CD200R1: variants seen among roughly 807,000 people sequenced by gnomAD.
The protein encoded by CD200R1 is cell surface glycoprotein CD200 receptor 1.
In CD200R1, 30 loss-of-function variants were observed where a neutral mutation model predicts 38.1. That is an observed-to-expected ratio of 0.79 (90% confidence interval 0.59 to 1.07). The LOEUF is 1.07. CD200R1 is among the 50% of genes least tolerant of loss of function. The pLI is 0.00. For synonymous variants in CD200R1, 128 were observed against 152.1 expected (o/e 0.84, Z 1.16); for missense variants, 372 against 415.4 (o/e 0.90, Z 0.91).
chr3:112,973,178 T>G (rs1559704791), intron 1 of CD200R1, among the ~76,000 whole-genome samples: 1 of 152,200 alleles, frequency 6.6e-6, no homozygotes, highest in Non-Finnish European at 1.5e-5. Flanking sequence ...CAATTTGACA[T>G]AAACAGCTCC....
chr3:112,936,246 T>G (rs374512571), intron 2 of CD200R1, among the ~76,000 whole-genome samples: 1 of 152,230 alleles, frequency 6.6e-6, no homozygotes, highest in African/African-American at 2.4e-5. Flanking sequence ...CTATTGTGAA[T>G]AGTGCTGCAA....
intron 2 of CD200R1, among the ~76,000 whole-genome samples, chr3:112,945,494 T>C (rs986426840): frequency 2.0e-5 from 3 of 152,166 alleles, no homozygotes; most frequent in African/African-American, 7.2e-5. Flanking sequence ...CGACTGGACA[T>C]CCAGATGCAA....
At chr3:112,923,965 A>C (rs1034762282) in intron 7 of CD200R1, among the ~76,000 whole-genome samples, 166 bp from the exon 8 acceptor site, 8 of 151,948 alleles carry the variant, frequency 5.3e-5, no homozygotes, top group African/African-American at 1.7e-4. Flanking sequence ...TTGTTCTAAC[A>C]TTTTATCAAA....
rs1441932827 is a variant in CD200R1 at position 112,922,488 on chromosome 3, C to T, written c.*1189G>A. 6.6e-6 allele frequency: 1 copy of T among 151,762 alleles called. No individual in the cohort carries two copies. The highest frequency in any genetic ancestry group is 1.5e-5 in the Non-Finnish European group (1 of 67,848). The allele number at this position is 151,762 out of a possible 1,614,324, so 9.4% of individuals were successfully genotyped here. On this transcript the variant is annotated 3_prime_UTR_variant, in exon 8 of 8. Coordinates refer to ENST00000308611, the MANE Select transcript of CD200R1 (RefSeq NM_138806.4). Reference sequence around the variant, plus strand: ...CATGTCCTCTATGGTGCATTTTTCGCCACTTATATGGTCAATAGACATTAA... The same window carrying T: ...CATGTCCTCTATGGTGCATTTTTCGTCACTTATATGGTCAATAGACATTAA...
At chr3:112,969,573 A>C (rs563736800) in intron 1 of CD200R1, among the ~76,000 whole-genome samples, 1 of 152,332 alleles carries the variant, frequency 6.6e-6, no homozygotes, top group East Asian at 1.9e-4. Flanking sequence ...GGATGACTTC[A>C]GTTACTTAGA....
intron 1 of CD200R1, among the ~76,000 whole-genome samples, chr3:112,962,797 A>G (rs1248369192): frequency 6.6e-6 from 1 of 152,040 alleles, no homozygotes; most frequent in Non-Finnish European, 1.5e-5. Flanking sequence ...CCTTGAAAAC[A>G]TTTATAATTA....
intron 2 of CD200R1, among the ~76,000 whole-genome samples, chr3:112,939,052 A>G (rs1940655304): frequency 6.6e-6 from 1 of 152,000 alleles, no homozygotes; most frequent in Admixed American, 6.6e-5. Flanking sequence ...GATCAGAAAA[A>G]GCATTTTATA....
intron 1 of CD200R1, among the ~76,000 whole-genome samples, chr3:112,972,312 T>C (rs1933330290): frequency 6.6e-6 from 1 of 152,220 alleles, no homozygotes; most frequent in Non-Finnish European, 1.5e-5. Context: ...CTGCCAAAGC[T>C]ACCTTAGAGC....
chr3:112,923,895 C>T (rs1290730607), intron 7 of CD200R1, 96 bp from the exon 8 acceptor site: 1 of 713,040 alleles, frequency 1.4e-6, no homozygotes, highest in Admixed American at 2.9e-5. Context: ...GTATTTCTAA[C>T]AGGTGCTCAA....
At chr3:112,971,741 A>T (rs1435596422) in intron 1 of CD200R1, among the ~76,000 whole-genome samples, 1 of 152,052 alleles carries the variant, frequency 6.6e-6, no homozygotes, top group Non-Finnish European at 1.5e-5. Flanking sequence ...AGGACCCCCA[A>T]AATCCAGCCT....
At chr3:112,962,170 T>A (rs1490641910) in intron 1 of CD200R1, among the ~76,000 whole-genome samples, 1 of 152,138 alleles carries the variant, frequency 6.6e-6, no homozygotes, top group African/African-American at 2.4e-5. Context: ...GTTTTTTGGG[T>A]TTTAATTTTT....
In CD200R1 at chr3:112,928,604, G is replaced by A. The variant is rs545059346; in HGVS notation, c.769+212C>T. Among the ~76,000 whole-genome samples, 4 of 152,224 alleles carry A rather than the reference G, an allele frequency of 2.6e-5. No individual in the cohort carries two copies. In the East Asian group the frequency reaches 5.8e-4, roughly 22 times the overall value. ...ACTAGCATAGAAGTGAACATTAATAGTAGAATTAAACTGCATTCTAAAAAA... is the reference window on the plus strand; with the variant it reads ...ACTAGCATAGAAGTGAACATTAATAATAGAATTAAACTGCATTCTAAAAAA... On this transcript the variant is annotated intron_variant, in intron 5 of 7. Coordinates refer to ENST00000308611, the MANE Select transcript of CD200R1 (RefSeq NM_138806.4).
At chr3:112,956,792 T>C (rs749372345) in intron 1 of CD200R1, among the ~76,000 whole-genome samples, 103 of 152,176 alleles carry the variant, frequency 6.8e-4, no homozygotes, top group Non-Finnish European at 1.2e-3. Context: ...TGGAATCCCT[T>C]GGCCACGAGA....
At chr3:112,963,740 T>G (rs1189275854) in intron 1 of CD200R1, among the ~76,000 whole-genome samples, 2 of 152,066 alleles carry the variant, frequency 1.3e-5, no homozygotes, top group Non-Finnish European at 2.9e-5. Context: ...GAGGAGAAAT[T>G]CAAGCCAGCT....
intron 2 of CD200R1, among the ~76,000 whole-genome samples, chr3:112,947,637 G>T (rs949170191): frequency 2.0e-5 from 3 of 152,096 alleles, no homozygotes; most frequent in African/African-American, 4.8e-5. Context: ...CAAATTTTTT[G>T]AATAGGCCAT....
At chr3:112,967,674 G>C (rs1425921476) in intron 1 of CD200R1, among the ~76,000 whole-genome samples, 2 of 152,098 alleles carry the variant, frequency 1.3e-5, no homozygotes, top group Admixed American at 1.3e-4. Flanking sequence ...CCACATTTTT[G>C]CTTTGACTTA....
At chr3:112,974,118 C>T (rs191792941) in intron 1 of CD200R1, among the ~76,000 whole-genome samples, 5 of 151,898 alleles carry the variant, frequency 3.3e-5, no homozygotes, top group South Asian at 2.1e-4. Context: ...AATGAGTTAG[C>T]GTTCTTATCT....
At chr3:112,931,004 G>T in intron 3 of CD200R1, 102 bp downstream of exon 3, 1 of 788,448 alleles carries the variant, frequency 1.3e-6, no homozygotes, top group Non-Finnish European at 2.2e-6. Context: ...AGTTCTTCAA[G>T]TAGTCATAAG....
intron 2 of CD200R1, among the ~76,000 whole-genome samples, chr3:112,937,599 T>C (rs1940615684): frequency 6.6e-6 from 1 of 152,214 alleles, no homozygotes; most frequent in Admixed American, 6.5e-5. Context: ...TGTAGCCCTA[T>C]AGTATAGTTT....
Sources: gnomAD v4.1 joint callset for allele counts (sites outside exome capture counted in the v4.1 genomes callset) on GRCh38, gnomAD v4.1.1 for gene constraint, MANE v1.5 for transcripts, NCBI Gene and HGNC (gene_info 2026-07-23, HGNC 2026-07-21) for gene names.